Variants in GAREM1 observed in about 807,000 individuals in gnomAD.
GAREM1 encodes GRB2 associated regulator of MAPK1 subtype 1.
In GAREM1, 26 loss-of-function variants were observed where a neutral mutation model predicts 71.3. That is an observed-to-expected ratio of 0.36 (90% CI 0.27 to 0.51). The LOEUF is 0.51. GAREM1 is among the 20% of genes least tolerant of loss of function. The probability of loss-of-function intolerance (pLI) is 0.95; values close to 1 mark genes in which losing one functional copy is unlikely to be tolerated. For missense variants in GAREM1, 1,026 were observed against 1,103.1 expected (o/e 0.93, Z 0.99); for synonymous variants, 440 against 433.2 (o/e 1.02, Z -0.20).
chr18:32,442,130 G>A lies in GAREM1; in HGVS notation c.121+28178C>T, dbSNP rs139021435. Among the ~76,000 whole-genome samples the A allele has an allele frequency of 1.1e-3, 167 of 152,056 alleles. 2 individuals are homozygous for A. The highest frequency in any genetic ancestry group is 3.9e-3 in the African/African-American group (161 of 41,474). ...AAAATAAAATTTATATTGAAAATCC[G>A]TTGTTCTACTTAGCACTGCTAAGTA... is the stretch of plus-strand genomic sequence containing the variant. On this transcript the variant is annotated intron_variant, in intron 1 of 5. Coordinates refer to ENST00000269209, the MANE Select transcript of GAREM1 (RefSeq NM_001242409.2).
chr18:32,373,375 T>A (rs536269660), intron 2 of GAREM1, among the ~76,000 whole-genome samples: 1 of 152,268 alleles, frequency 6.6e-6, no homozygotes, highest in South Asian at 2.1e-4. Context: ...AATGTCTGTA[T>A]CCCCTACAAA....
intron 1 of GAREM1, among the ~76,000 whole-genome samples, chr18:32,407,982 T>A (rs76815503): frequency 0.15 from 22,876 of 150,750 alleles, 1,883 homozygotes; most frequent in African/African-American, 0.23. Context: ...TCTTTTTTTT[T>A]TAAAAAAAAA....
Position 32,458,197 on chromosome 18 carries a change from A to G in GAREM1, c.121+12111T>C, listed in dbSNP as rs2048915821. On this transcript the variant is annotated intron_variant, in intron 1 of 5. Transcript: ENST00000269209. ...TACAAACGTGTCCATTTACTTATTA[A>G]TATTTAAAGCCAAAAAGTGACAAAT... Among the ~76,000 whole-genome samples the G allele has an allele frequency of 3.9e-5, 6 of 152,124 alleles. No homozygotes were observed. In the South Asian group the frequency reaches 1.2e-3, roughly 31 times the overall value.
At position 32,267,897 on chromosome 18, in the gene GAREM1, T is replaced by C. The variant is rs2041396500; in HGVS notation, c.2605A>G (p.Ile869Val). 6 of 1,612,094 alleles carry C rather than the reference T, an allele frequency of 3.7e-6. No homozygotes were observed. The highest frequency in any genetic ancestry group is 1.1e-5 in the South Asian group (1 of 91,006). ...KLQVKKIMQF[I>V]NGWRPKI ...TATATTTTGGGCCTCCAGCCATTAA[T>C]GAATTGCATTATCTTCTTCACCTGC... The change falls in exon 6 of 6, where the codon ATT (isoleucine) becomes GTT (valine). Residue 869 changes from isoleucine to valine, a missense_variant. Coordinates refer to ENST00000269209, the MANE Select transcript of GAREM1 (RefSeq NM_001242409.2).
At chr18:32,274,510 G>C (rs951113738) in intron 4 of GAREM1, among the ~76,000 whole-genome samples, 2 of 152,096 alleles carry the variant, frequency 1.3e-5, no homozygotes, top group African/African-American at 4.8e-5. Context: ...GTTACTCGCT[G>C]TCTCCGACGG....
chr18:32,428,967 A>G (rs2048599753), intron 1 of GAREM1, among the ~76,000 whole-genome samples: 1 of 152,044 alleles, frequency 6.6e-6, no homozygotes, highest in South Asian at 2.1e-4. Context: ...AAGCCTTAGC[A>G]AAATTTACAG....
intron 1 of GAREM1, among the ~76,000 whole-genome samples, chr18:32,396,625 G>A (rs1039827023): frequency 1.3e-5 from 2 of 152,110 alleles, no homozygotes; most frequent in African/African-American, 4.8e-5. Flanking sequence ...AAAAAGAAAC[G>A]AACAAAGCCT....
chr18:32,288,947 A>G (rs181896760), intron 3 of GAREM1, among the ~76,000 whole-genome samples: 5 of 152,364 alleles, frequency 3.3e-5, no homozygotes, highest in African/African-American at 1.2e-4. Context: ...AAATAAAAAT[A>G]TAGATGGATT....
intron 2 of GAREM1, among the ~76,000 whole-genome samples, chr18:32,376,094 C>T (rs558992814): frequency 2.8e-4 from 42 of 152,164 alleles, no homozygotes; most frequent in African/African-American, 9.4e-4. Flanking sequence ...TAATAATTTC[C>T]AGAGGAAACC....
chr18:32,469,523 T>C (rs1433193419), intron 1 of GAREM1, among the ~76,000 whole-genome samples: 2 of 152,248 alleles, frequency 1.3e-5, no homozygotes, highest in Non-Finnish European at 2.9e-5. Flanking sequence ...GTCTACTTGC[T>C]TGACAGTATG....
intron 1 of GAREM1, among the ~76,000 whole-genome samples, chr18:32,401,184 G>A (rs2048312016): frequency 6.6e-6 from 1 of 152,106 alleles, no homozygotes; most frequent in Non-Finnish European, 1.5e-5. Context: ...GTGGGGTTGG[G>A]GGGAGAGGGG....
At chr18:32,449,517 A>G (rs1258080444) in intron 1 of GAREM1, among the ~76,000 whole-genome samples, 4 of 152,026 alleles carry the variant, frequency 2.6e-5, no homozygotes, top group Non-Finnish European at 5.9e-5. Flanking sequence ...TCTACAAAAC[A>G]TATATATTTA....
intron 2 of GAREM1, among the ~76,000 whole-genome samples, chr18:32,319,780 G>A (rs1215398310): frequency 1.3e-5 from 2 of 152,154 alleles, no homozygotes; most frequent in Non-Finnish European, 2.9e-5. Context: ...ATAATGCTAC[G>A]CTTTTCAAAA....
Position 32,402,723 on chromosome 18 carries a change from G to A in GAREM1, c.122-9688C>T, listed in dbSNP as rs188779644. ...TAATACCAGCTGCTAACTTTTATTCGGAGTCCTATTCTGGACTTTATTTCC... is the reference window on the plus strand; with the variant it reads ...TAATACCAGCTGCTAACTTTTATTCAGAGTCCTATTCTGGACTTTATTTCC... On this transcript the variant is annotated intron_variant, in intron 1 of 5. Transcript: ENST00000269209. Among the ~76,000 whole-genome samples the A allele has an allele frequency of 1.1e-4, 17 of 151,958 alleles. 1 individual carries two copies. The East Asian group carries it at 2.3e-3, about 21-fold the overall frequency.
At chr18:32,437,715 C>T (rs1244736777) in intron 1 of GAREM1, among the ~76,000 whole-genome samples, 1 of 151,946 alleles carries the variant, frequency 6.6e-6, no homozygotes, top group Non-Finnish European at 1.5e-5. Flanking sequence ...AACTTTCAAA[C>T]ACGAGAAAAT....
At position 32,268,173 on chromosome 18, in the gene GAREM1, A is replaced by T. The variant is rs2041402134; in HGVS notation, c.2329T>A (p.Phe777Ile). The change falls in exon 6 of 6, where the codon TTC (phenylalanine) becomes ATC (isoleucine). Residue 777 changes from phenylalanine (F) to isoleucine (I), a missense_variant. Around this residue, in one of 3 missense-constraint regions of GAREM1, gnomAD observed 636 missense variants for 631.2 expected, o/e 1.01. Transcript: ENST00000269209. ...YFVKKGMQDI[F>I]SASYPFSSPL... ...GATGAGAAAGGGTAGGAGGCAGAGA[A>T]GATGTCCTGCATGCCCTTTTTAACA... 3 of 1,614,002 alleles carry T rather than the reference A, an allele frequency of 1.9e-6. No individual in the cohort carries two copies. In the African/African-American group the frequency reaches 4.0e-5, roughly 22 times the overall value.
intron 2 of GAREM1, among the ~76,000 whole-genome samples, chr18:32,376,820 A>G (rs949919936): frequency 2.0e-5 from 3 of 152,226 alleles, no homozygotes; most frequent in African/African-American, 7.2e-5. Context: ...CCTGGGCAAC[A>G]AGAGCAAAAC....
At chr18:32,400,913 T>C (rs190720083) in intron 1 of GAREM1, among the ~76,000 whole-genome samples, 52 of 151,080 alleles carry the variant, frequency 3.4e-4, no homozygotes, top group African/African-American at 1.2e-3. Context: ...AGCAAAGACT[T>C]GGAACCAACC....
rs190181616 is a variant in GAREM1, at chr18:32,458,845, G to A, written c.121+11463C>T. On this transcript the variant is annotated intron_variant, in intron 1 of 5. Transcript: ENST00000269209. ...TGGGCTTACTCATCCACTGCTGAAG[G>A]TAGAATCTTTCCTGGATGCAATTTA... Among the ~76,000 whole-genome samples, 18 of 152,166 alleles carry A rather than the reference G, an allele frequency of 1.2e-4. No homozygotes were observed. In the East Asian group the frequency reaches 3.5e-3, roughly 29 times the overall value.
Sources: allele counts gnomAD v4.1 joint callset (sites outside exome capture counted in the v4.1 genomes callset), GRCh38; gene constraint gnomAD v4.1.1; regional missense constraint gnomAD v4.1.1; transcripts MANE v1.5; gene names NCBI Gene and HGNC (gene_info 2026-07-23, HGNC 2026-07-21).